The following NCKAP5 variants were observed in gnomAD, a reference collection of about 807,000 sequenced individuals.
The protein encoded by NCKAP5 is nck-associated protein 5.
In NCKAP5, 92 loss-of-function variants were observed where a neutral mutation model predicts 167.0. That is an observed-to-expected ratio of 0.55 (90% confidence interval 0.47 to 0.66). NCKAP5 has a LOEUF of 0.66. Ranked by LOEUF, NCKAP5 falls within the 30% of genes least tolerant of loss-of-function variation. The pLI is 0.00. For synonymous variants in NCKAP5, 891 were observed against 877.4 expected, an observed-to-expected ratio of 1.02 and a Z score of -0.27; for missense variants, 2,378 against 2,315.0, an observed-to-expected ratio of 1.03 and a Z score of -0.56.
chr2:133,306,156 G>A (rs1680763137), intron 3 of NCKAP5, among the ~76,000 whole-genome samples: 3 of 152,232 alleles, frequency 2.0e-5, no homozygotes. Context: ...GTAGCATTGG[G>A]GCTGGCAGTG....
intron 8 of NCKAP5, among the ~76,000 whole-genome samples, chr2:132,909,475 G>C (rs1574596792): frequency 6.6e-6 from 1 of 151,904 alleles, no homozygotes; most frequent in Non-Finnish European, 1.5e-5. Flanking sequence ...CTTATGCTAG[G>C]GTATTCAAAT....
intron 3 of NCKAP5, among the ~76,000 whole-genome samples, chr2:133,508,529 G>A (rs1322218588): frequency 1.3e-5 from 2 of 152,098 alleles, no homozygotes; most frequent in East Asian, 1.9e-4. Context: ...GACCAAGTAG[G>A]TACTCCATTC....
At chr2:133,562,670 C>T (rs1688246596) in intron 1 of NCKAP5, among the ~76,000 whole-genome samples, 1 of 152,166 alleles carries the variant, frequency 6.6e-6, no homozygotes, top group Admixed American at 6.5e-5. Context: ...GAACTCAGTC[C>T]ACTGGGCTTC....
chr2:132,956,198 T>A (rs1015569242), intron 8 of NCKAP5, among the ~76,000 whole-genome samples: 1 of 152,234 alleles, frequency 6.6e-6, no homozygotes, highest in African/African-American at 2.4e-5. Flanking sequence ...CTGCATGCCA[T>A]AAATGTATCT....
At chr2:132,764,238 T>C (rs1681258691) in intron 16 of NCKAP5, among the ~76,000 whole-genome samples, 1 of 151,712 alleles carries the variant, frequency 6.6e-6, no homozygotes, top group African/African-American at 2.4e-5. Context: ...ACATGGAGGG[T>C]GATATGTAAT....
intron 5 of NCKAP5, among the ~76,000 whole-genome samples, chr2:133,133,112 T>G (rs1048388009): frequency 6.6e-6 from 1 of 152,224 alleles, no homozygotes; most frequent in Admixed American, 6.5e-5. Flanking sequence ...CTCCCAAATG[T>G]TGGCTCTGGA....
intron 16 of NCKAP5, among the ~76,000 whole-genome samples, chr2:132,747,130 C>A (rs577668549): frequency 1.3e-5 from 2 of 150,952 alleles, no homozygotes; most frequent in African/African-American, 4.9e-5. Flanking sequence ...ATAAATTATA[C>A]CTCCATGAAC....
At chr2:133,085,687 G>A (rs2149609580) in intron 6 of NCKAP5, among the ~76,000 whole-genome samples, 1 of 152,194 alleles carries the variant, frequency 6.6e-6, no homozygotes, top group East Asian at 1.9e-4. Context: ...TGTGTTATAG[G>A]TCCTTGAGTG....
intron 3 of NCKAP5, among the ~76,000 whole-genome samples, chr2:133,320,205 T>C (rs1371883990): frequency 6.6e-6 from 1 of 152,186 alleles, no homozygotes; most frequent in Non-Finnish European, 1.5e-5. Context: ...TGCTATCATT[T>C]AATATTTATC....
intron 11 of NCKAP5, among the ~76,000 whole-genome samples, chr2:132,825,009 T>C (rs72991329): frequency 0.096 from 14,659 of 152,196 alleles, 842 homozygotes; most frequent in East Asian, 0.2. Context: ...TCAGCAGCCA[T>C]AAGAACAAGT....
At chr2:133,323,444 G>C (rs1682207223) in intron 3 of NCKAP5, among the ~76,000 whole-genome samples, 1 of 152,166 alleles carries the variant, frequency 6.6e-6, no homozygotes, top group African/African-American at 2.4e-5. Context: ...CTTTGTTGGA[G>C]AAGCTGATGA....
chr2:133,193,362 G>A (rs752324045), intron 5 of NCKAP5, among the ~76,000 whole-genome samples: 17 of 151,932 alleles, frequency 1.1e-4, no homozygotes, highest in Non-Finnish European at 2.2e-4. Context: ...CCATGATTTT[G>A]GTATAGTTTT....
intron 6 of NCKAP5, among the ~76,000 whole-genome samples, chr2:133,068,835 G>T (rs1164538893): frequency 6.6e-6 from 1 of 152,180 alleles, no homozygotes; most frequent in Non-Finnish European, 1.5e-5. Flanking sequence ...AGCCAGGAAA[G>T]ATTCATTCTT....
chr2:132,742,995 T>C (rs1041662238), intron 16 of NCKAP5, among the ~76,000 whole-genome samples: 9 of 151,858 alleles, frequency 5.9e-5, no homozygotes, highest in Non-Finnish European at 8.8e-5. Context: ...CCAGGGGATA[T>C]GGATATGGGT....
At chr2:133,181,601 T>TA (rs1340706182) in intron 5 of NCKAP5, among the ~76,000 whole-genome samples, 6 of 26,938 alleles carry the variant, frequency 2.2e-4, no homozygotes, top group Admixed American at 1.1e-3. Context: ...TCCCCATCTC[T>TA]ACAAAAAAAA....
the NCKAP5 span, among the ~76,000 whole-genome samples, chr2:133,647,473 G>GAAGGGAAGGAAAGGAAAGGAAAGGA: frequency 1.1e-3 from 71 of 62,624 alleles, 3 homozygotes; most frequent in African/African-American, 5.1e-3. Flanking sequence ...AAGGGCAAGG[G>GAAGGGAAGGAAAGGAAAGGAAAGGA]AAGGAAAGGA....
chr2:133,049,933 A>G (rs911021262), intron 6 of NCKAP5, among the ~76,000 whole-genome samples: 1 of 152,234 alleles, frequency 6.6e-6, no homozygotes, highest in Non-Finnish European at 1.5e-5. Context: ...AGGAATGGGG[A>G]CAAAGGAGAC....
rs1559489435 is a variant in NCKAP5, at chr2:133,444,381, TAGA to T, written c.69+73074_69+73076del. 1.5e-3 allele frequency among the ~76,000 whole-genome samples: 220 copies of T among 150,590 alleles called. 1 individual carries two copies. The highest frequency in any genetic ancestry group is 5.3e-3 in the African/African-American group (212 of 40,262). The stretch of plus-strand genomic sequence containing the variant: ...ATAGATAGATAGATAGATAGATAGA[TAGA>T]TAGATAGATAGATAGATAGATAGAT... On this transcript the variant is annotated intron_variant, in intron 3 of 19. Coordinates refer to ENST00000409261, the MANE Select transcript of NCKAP5 (RefSeq NM_207363.3).
rs1486496435 is a variant in NCKAP5, at chr2:133,348,197, A to G, written c.70-45087T>C. On this transcript the variant is annotated intron_variant, in intron 3 of 19. Coordinates refer to ENST00000409261, the MANE Select transcript of NCKAP5 (RefSeq NM_207363.3). ...GTTAGCTCCTCTCACTTTAAACTAG[A>G]AAGTTCCTGTCTCTCATCCCTTCTC... Among the ~76,000 whole-genome samples the G allele has an allele frequency of 2.6e-5, 4 of 152,144 alleles. No homozygotes were observed. In the East Asian group the frequency reaches 7.7e-4, roughly 29 times the overall value.
Sources: allele counts gnomAD v4.1 joint callset (sites outside exome capture counted in the v4.1 genomes callset), GRCh38; gene constraint gnomAD v4.1.1; transcripts MANE v1.5; gene names NCBI Gene and HGNC (gene_info 2026-07-23, HGNC 2026-07-21).